The following FBXO38 variants were observed in gnomAD, a reference collection of about 807,000 sequenced individuals.
The protein encoded by FBXO38 is F-box only protein 38.
FBXO38 carries 53 observed loss-of-function variants against 131.9 expected under a neutral mutation model. That is an observed-to-expected ratio of 0.40 (90% confidence interval 0.32 to 0.51). The LOEUF is 0.51. Ranked by LOEUF, FBXO38 falls within the 20% of genes least tolerant of loss-of-function variation. The probability of loss-of-function intolerance (pLI) is 0.53; values close to 1 mark genes in which losing one functional copy is unlikely to be tolerated. For synonymous variants in FBXO38, 452 were observed against 505.6 expected, an observed-to-expected ratio of 0.89 and a Z score of 1.42; for missense variants, 1,076 against 1,475.6, an observed-to-expected ratio of 0.73 and a Z score of 4.44.
chr5:148,408,499 T>C (rs915688638), intron 7 of FBXO38, among the ~76,000 whole-genome samples: 2 of 152,238 alleles, frequency 1.3e-5, no homozygotes, highest in Non-Finnish European at 2.9e-5. Context: ...GATAATTAAA[T>C]TGTGGCATAT....
intron 11 of FBXO38, among the ~76,000 whole-genome samples, chr5:148,416,343 G>A (rs909883936): frequency 6.6e-6 from 1 of 151,990 alleles, no homozygotes; most frequent in African/African-American, 2.4e-5. Flanking sequence ...GTAAGGGTGA[G>A]GCTGGAAATT....
chr5:148,408,800 G>A (rs1752578800), intron 7 of FBXO38, among the ~76,000 whole-genome samples: 1 of 152,078 alleles, frequency 6.6e-6, no homozygotes, highest in African/African-American at 2.4e-5. Flanking sequence ...TCGAAATTTG[G>A]CCAGAAATGG....
Position 148,427,731 on chromosome 5 carries a change from T to G in FBXO38, c.2437T>G (p.Ser813Ala). 6.2e-7 allele frequency: 1 copy of G among 1,613,934 alleles called. No individual in the cohort carries two copies. Among genetic ancestry groups the G allele is most frequent in the Non-Finnish European group, 8.5e-7 (1 of 1,179,888 alleles). ...CVVNGPDGTR[S>A]AFSFRTLPQG... is the part of the protein sequence containing the mutation. ...TGTGAATGGCCCGGATGGTACGAGA[T>G]CCGCCTTTTCCTTTAGGACTCTGCC... The change falls in exon 15 of 22, where the codon TCC becomes GCC. Residue 813 changes from serine to alanine, a missense_variant. Around this residue, in one of 8 missense-constraint regions of FBXO38, gnomAD observed 213 missense variants for 225.2 expected, o/e 0.95. Transcript: ENST00000340253.
chr5:148,425,796 T>C, intron 14 of FBXO38, 95 bp downstream of exon 14: 1 of 1,054,798 alleles, frequency 9.5e-7, no homozygotes, highest in South Asian at 1.6e-5. Flanking sequence ...AGTTAACATA[T>C]ATTACGGAAT....
chr5:148,440,736 C>T (rs1470500797), intron 20 of FBXO38, among the ~76,000 whole-genome samples: 1 of 152,052 alleles, frequency 6.6e-6, no homozygotes, highest in Non-Finnish European at 1.5e-5. Context: ...TTACAGCAAG[C>T]AGTAACCCAA....
chr5:148,391,028 C>T lies in FBXO38; in HGVS notation c.-63-3686C>T, dbSNP rs1300243097. 5.9e-5 allele frequency among the ~76,000 whole-genome samples: 9 copies of T among 152,312 alleles called. No homozygotes were observed. The South Asian group carries it at 8.3e-4, about 14-fold the overall frequency. ...ACAACTGGTGGATTGGTCTGAGCATCTAGGTAATTTGTGGGTGGATTAGTC... is the reference window on the plus strand; with the variant it reads ...ACAACTGGTGGATTGGTCTGAGCATTTAGGTAATTTGTGGGTGGATTAGTC... On this transcript the variant is annotated intron_variant, in intron 1 of 21. Coordinates refer to ENST00000340253, the MANE Select transcript of FBXO38 (RefSeq NM_205836.3).
chr5:148,399,206 CT>C, intron 3 of FBXO38, 74 bp downstream of exon 3: 1 of 1,541,382 alleles, frequency 6.5e-7, no homozygotes, highest in Non-Finnish European at 8.8e-7. Flanking sequence ...TAAAAAGTTA[CT>C]TGTTGTCTTG....
At chr5:148,440,666 C>A in intron 20 of FBXO38, 139 bp downstream of exon 20, 3 of 574,302 alleles carry the variant, frequency 5.2e-6, no homozygotes, top group Non-Finnish European at 9.3e-6. Context: ...AAAACCTGGC[C>A]CTTTCTCATT....
intron 15 of FBXO38, among the ~76,000 whole-genome samples, chr5:148,429,066 A>G (rs1021072779): frequency 6.6e-6 from 1 of 152,208 alleles, no homozygotes; most frequent in Non-Finnish European, 1.5e-5. Flanking sequence ...TGTCACCACC[A>G]ACCATCTGAA....
At chr5:148,394,997 C>T (rs187678596) in intron 2 of FBXO38, 93 bp downstream of exon 2, 1 of 1,185,156 alleles carries the variant, frequency 8.4e-7, no homozygotes. Flanking sequence ...CAGCTACATG[C>T]AGCATTTACA....
intron 1 of FBXO38, among the ~76,000 whole-genome samples, chr5:148,388,994 A>G (rs2113481055): frequency 6.6e-6 from 1 of 152,306 alleles, no homozygotes; most frequent in African/African-American, 2.4e-5. Flanking sequence ...TTTCACTTGA[A>G]CACTTAGAGG....
intron 17 of FBXO38, among the ~76,000 whole-genome samples, chr5:148,436,070 G>GT (rs1734686453): frequency 6.6e-6 from 1 of 152,144 alleles, no homozygotes; most frequent in Non-Finnish European, 1.5e-5. Flanking sequence ...TAATGAAAAA[G>GT]TTTGAAATAC....
chr5:148,396,356 G>T (rs745359985), intron 2 of FBXO38, among the ~76,000 whole-genome samples: 11 of 152,096 alleles, frequency 7.2e-5, no homozygotes, highest in Non-Finnish European at 1.0e-4. Flanking sequence ...ACAAACATAG[G>T]CTCCATTCAA....
intron 14 of FBXO38, 40 bp from the exon 15 acceptor site, chr5:148,427,172 CT>C: frequency 1.3e-6 from 2 of 1,535,644 alleles, no homozygotes; most frequent in South Asian, 2.6e-5. Context: ...ATACTGAAAT[CT>C]TTTCTTTTCC....
intron 2 of FBXO38, 137 bp from the exon 3 acceptor site, chr5:148,398,862 T>C: frequency 1.0e-6 from 1 of 952,508 alleles, no homozygotes; most frequent in Non-Finnish European, 1.6e-6. Flanking sequence ...ACCGTATGTG[T>C]GGTAGCTTTA....
chr5:148,404,564 G>T (rs945655456), intron 5 of FBXO38, 121 bp from the exon 6 acceptor site: 2 of 829,482 alleles, frequency 2.4e-6, no homozygotes, highest in Admixed American at 8.0e-5. Context: ...AATTTGTTCG[G>T]ATAAAAATCC....
At position 148,442,462 on chromosome 5, in the gene FBXO38, A is replaced by G. The variant is rs1193691136; in HGVS notation, c.*315A>G. The G allele has an allele frequency of 5.4e-6, 1 of 184,112 alleles. No individual in the cohort carries two copies. The highest frequency in any genetic ancestry group is 1.1e-5 in the Non-Finnish European group (1 of 89,348). The allele number at this position is 184,112 out of a possible 1,614,324, so 11.4% of individuals were successfully genotyped here. ...TTCATGAAGTATCATTTTTTGACTG[A>G]GTCTCCATTTACTTCATTCTTAATG... is the stretch of plus-strand genomic sequence containing the variant. On this transcript the variant is annotated 3_prime_UTR_variant, in exon 22 of 22. Coordinates refer to ENST00000340253, the MANE Select transcript of FBXO38 (RefSeq NM_205836.3).
chr5:148,414,450 T>C, intron 10 of FBXO38, 144 bp downstream of exon 10: 1 of 747,810 alleles, frequency 1.3e-6, no homozygotes, highest in Non-Finnish European at 2.0e-6. Flanking sequence ...TCTGGTAACC[T>C]TTGATAACCA....
chr5:148,400,941 A>C (rs1438293344), intron 3 of FBXO38, among the ~76,000 whole-genome samples: 1 of 152,148 alleles, frequency 6.6e-6, no homozygotes, highest in African/African-American at 2.4e-5. Flanking sequence ...AAAAGTTACT[A>C]TACAAGAAAG....
Sources: gnomAD v4.1 joint callset for allele counts (sites outside exome capture counted in the v4.1 genomes callset) on GRCh38, gnomAD v4.1.1 for gene constraint, gnomAD v4.1.1 regional missense constraint, MANE v1.5 for transcripts, NCBI Gene and HGNC (gene_info 2026-07-23, HGNC 2026-07-21) for gene names.